Variants in COL14A1 observed in about 807,000 individuals in gnomAD.
The protein encoded by COL14A1 is collagen alpha-1(XIV) chain.
In COL14A1, 136 loss-of-function variants were observed where a neutral mutation model predicts 230.3. The ratio of observed to expected loss-of-function variants is 0.59; its 90% CI spans 0.51 to 0.68. The LOEUF (loss-of-function observed/expected upper bound fraction) is 0.68, where lower values mean the gene tolerates loss of function less well. COL14A1 is among the 30% of genes least tolerant of loss of function. The pLI, the probability that COL14A1 is intolerant of heterozygous loss-of-function variation, is 0.00. For synonymous variants in COL14A1, 792 were observed against 784.1 expected (o/e 1.01, Z -0.17); for missense variants, 1,976 against 2,215.8 (o/e 0.89, Z 2.17).
intron 5 of COL14A1, among the ~76,000 whole-genome samples, chr8:120,169,844 A>G (rs1369176256): frequency 6.6e-6 from 1 of 152,078 alleles, no homozygotes; most frequent in Non-Finnish European, 1.5e-5. Flanking sequence ...AATGTATAAA[A>G]ATAATGTCAT....
intron 36 of COL14A1, among the ~76,000 whole-genome samples, chr8:120,307,513 T>A (rs1174833542): frequency 6.6e-6 from 1 of 152,216 alleles, no homozygotes; most frequent in Non-Finnish European, 1.5e-5. Context: ...TTTCTCAGAA[T>A]GCATTTCCAT....
intron 5 of COL14A1, among the ~76,000 whole-genome samples, chr8:120,190,153 C>T (rs1051447771): frequency 7.2e-5 from 11 of 151,856 alleles, no homozygotes; most frequent in Non-Finnish European, 1.6e-4. Flanking sequence ...CCTGTTGTTT[C>T]CTGACTTTTT....
chr8:120,304,191 C>G (rs1400716418), intron 36 of COL14A1, among the ~76,000 whole-genome samples: 1 of 152,088 alleles, frequency 6.6e-6, no homozygotes, highest in Non-Finnish European at 1.5e-5. Context: ...AAAAAACTAA[C>G]TAACTACTGG....
In COL14A1 at chr8:120,354,113, T is replaced by C. The variant is rs1269568330; in HGVS notation, c.5077+8550T>C. ...GTAGGGACATGGATGAAATTGGAAA[T>C]CATCATTCTCAGTAAACTATCACAA... is the stretch of plus-strand genomic sequence containing the variant. On this transcript the variant is annotated intron_variant, in intron 45 of 47. Coordinates refer to ENST00000297848, the MANE Select transcript of COL14A1 (RefSeq NM_021110.4). 4.4e-5 allele frequency among the ~76,000 whole-genome samples: 5 copies of C among 113,548 alleles called. No individual in the cohort carries two copies. In the Admixed American group the frequency reaches 4.7e-4, roughly 11 times the overall value. 74.5% of individuals were successfully genotyped at this position (113,548 alleles called of 152,430 possible).
At chr8:120,212,420 A>G in intron 12 of COL14A1, 28 bp from the exon 13 acceptor site, 1 of 1,610,466 alleles carries the variant, frequency 6.2e-7, no homozygotes, top group Non-Finnish European at 8.5e-7. Context: ...GTATTGGCAA[A>G]TGATCTAACA....
At chr8:120,238,549 G>A (rs1818519626) in intron 19 of COL14A1, among the ~76,000 whole-genome samples, 1 of 152,224 alleles carries the variant, frequency 6.6e-6, no homozygotes, top group Admixed American at 6.5e-5. Flanking sequence ...TGGGCTCCGT[G>A]GGGGTTGGAT....
intron 46 of COL14A1, among the ~76,000 whole-genome samples, chr8:120,367,942 T>C (rs1265605270): frequency 8.2e-5 from 12 of 146,592 alleles, no homozygotes; most frequent in African/African-American, 2.8e-4. Flanking sequence ...AGACCCTGTC[T>C]CGAAAAAAAA....
intron 21 of COL14A1, among the ~76,000 whole-genome samples, chr8:120,248,271 G>A (rs1369063585): frequency 3.3e-5 from 5 of 151,914 alleles, no homozygotes; most frequent in African/African-American, 4.8e-5. Flanking sequence ...ACCTCCATAA[G>A]AGGATCCCTC....
chr8:120,147,235 AAG>A (rs1281428776), intron 1 of COL14A1, among the ~76,000 whole-genome samples: 1 of 151,694 alleles, frequency 6.6e-6, no homozygotes, highest in Non-Finnish European at 1.5e-5. Context: ...AACAATTTGG[AAG>A]AGTTTTAGAT....
At chr8:120,206,273 T>C (rs1817427633) in intron 9 of COL14A1, among the ~76,000 whole-genome samples, 1 of 152,146 alleles carries the variant, frequency 6.6e-6, no homozygotes, top group Non-Finnish European at 1.5e-5. Flanking sequence ...TAGGGAGAAG[T>C]AGATGAGATA....
At chr8:120,183,443 T>C (rs1216801991) in intron 5 of COL14A1, among the ~76,000 whole-genome samples, 1 of 152,178 alleles carries the variant, frequency 6.6e-6, no homozygotes, top group Non-Finnish European at 1.5e-5. Flanking sequence ...TTTTAGTATT[T>C]CCCAAGACAG....
At chr8:120,336,293 G>A (rs1371824470) in intron 42 of COL14A1, among the ~76,000 whole-genome samples, 2 of 152,160 alleles carry the variant, frequency 1.3e-5, no homozygotes, top group African/African-American at 4.8e-5. Flanking sequence ...AGCGGCTTCA[G>A]GAGCATTTAG....
intron 5 of COL14A1, among the ~76,000 whole-genome samples, chr8:120,173,546 T>G (rs148860056): frequency 2.0e-4 from 30 of 148,930 alleles, no homozygotes; most frequent in African/African-American, 6.5e-4. Flanking sequence ...CTCATTCTCT[T>G]GCTCTCTAGC....
At chr8:120,332,878 G>C (rs1044932452) in intron 42 of COL14A1, 143 bp downstream of exon 42, 2 of 608,884 alleles carry the variant, frequency 3.3e-6, no homozygotes, top group South Asian at 2.4e-5. Flanking sequence ...AATTGGAAAA[G>C]CTTCTAGGAT....
chr8:120,356,804 GA>G (rs1409456111), intron 45 of COL14A1, among the ~76,000 whole-genome samples: 5 of 150,708 alleles, frequency 3.3e-5, no homozygotes, highest in Non-Finnish European at 5.9e-5. Flanking sequence ...CTCATTTCTT[GA>G]AAGATGAATA....
chr8:120,238,126 T>A (rs1199221910), intron 19 of COL14A1, among the ~76,000 whole-genome samples: 1 of 152,174 alleles, frequency 6.6e-6, no homozygotes, highest in East Asian at 1.9e-4. Context: ...TTAGCAGAGT[T>A]CGAGCGCTGT....
At chr8:120,345,933 C>G (rs1822494357) in intron 45 of COL14A1, among the ~76,000 whole-genome samples, 1 of 152,182 alleles carries the variant, frequency 6.6e-6, no homozygotes, top group Non-Finnish European at 1.5e-5. Flanking sequence ...TGGCATCACA[C>G]CAATGTCAAG....
At chr8:120,130,174 C>T (rs1814480718) in intron 1 of COL14A1, among the ~76,000 whole-genome samples, 1 of 152,202 alleles carries the variant, frequency 6.6e-6, no homozygotes, top group Non-Finnish European at 1.5e-5. Flanking sequence ...ACTGTTAGTT[C>T]AACGGAGATT....
intron 34 of COL14A1, among the ~76,000 whole-genome samples, chr8:120,295,113 C>G (rs12334294): frequency 1.1e-3 from 163 of 151,864 alleles, no homozygotes; most frequent in African/African-American, 3.7e-3. Context: ...AATGTTTTTG[C>G]TCTGAGGGCT....
Sources: allele counts gnomAD v4.1 joint callset (sites outside exome capture counted in the v4.1 genomes callset), GRCh38; gene constraint gnomAD v4.1.1; transcripts MANE v1.5; gene names NCBI Gene and HGNC (gene_info 2026-07-23, HGNC 2026-07-21).